USP7: variants seen among roughly 807,000 people sequenced by gnomAD.
The protein encoded by USP7 is ubiquitin C-terminal hydrolase 7.
Under a neutral mutation model 162.9 loss-of-function variants are expected in USP7, and 9 were observed. That is an observed-to-expected ratio of 0.06 (90% CI 0.03 to 0.10). USP7 has a LOEUF of 0.10. Among genes scored for constraint, USP7 ranks in the 10% least tolerant of loss-of-function variants. USP7 has a pLI of 1.00. For synonymous variants in USP7, 562 were observed against 475.9 expected, an observed-to-expected ratio of 1.18 and a Z score of -2.35; for missense variants, 715 against 1,373.7, an observed-to-expected ratio of 0.52 and a Z score of 7.58.
At chr16:8,960,047 T>C (rs1899950946) in intron 1 of USP7, among the ~76,000 whole-genome samples, 1 of 152,246 alleles carries the variant, frequency 6.6e-6, no homozygotes, top group South Asian at 2.1e-4. Flanking sequence ...TTCAATAGCG[T>C]CTACACCGAC....
chr16:8,950,276 GAGT>G (rs1899489922), intron 1 of USP7, among the ~76,000 whole-genome samples: 2 of 152,058 alleles, frequency 1.3e-5, no homozygotes, highest in South Asian at 2.1e-4. Context: ...TAGGCTTGCA[GAGT>G]AGAAGACACA....
Position 8,943,272 on chromosome 16 carries a change from G to A in USP7, c.80-12875C>T, listed in dbSNP as rs371562311. 1.4e-4 allele frequency among the ~76,000 whole-genome samples: 22 copies of A among 152,176 alleles called. No homozygotes were observed. In the East Asian group the frequency reaches 2.5e-3, roughly 17 times the overall value. On this transcript the variant is annotated intron_variant, in intron 1 of 30. Coordinates refer to ENST00000344836, the MANE Select transcript of USP7 (RefSeq NM_003470.3). ...TGATGATTGGTTTTAATGCTGTGTT[G>A]TGCACTGAGAGGGGTTTAATATACA...
intron 1 of USP7, among the ~76,000 whole-genome samples, chr16:8,937,969 A>G (rs1388275134): frequency 6.6e-6 from 1 of 152,206 alleles, no homozygotes; most frequent in African/African-American, 2.4e-5. Flanking sequence ...ATGAATCAGT[A>G]ACTCCAATGA....
At chr16:8,918,722 T>G (rs1013551640) in intron 6 of USP7, among the ~76,000 whole-genome samples, 3 of 152,106 alleles carry the variant, frequency 2.0e-5, no homozygotes, top group Admixed American at 1.3e-4. Context: ...GGCCAGAGAA[T>G]CACTTGAACC....
At chr16:8,915,128 T>C (rs1596372244) in intron 10 of USP7, 126 bp downstream of exon 10, 11 of 904,648 alleles carry the variant, frequency 1.2e-5, no homozygotes, top group South Asian at 9.0e-5. Context: ...AGTGAGCTGT[T>C]TGCTTAAGAT....
chr16:8,954,772 T>C (rs1419569217), intron 1 of USP7, among the ~76,000 whole-genome samples: 1 of 151,766 alleles, frequency 6.6e-6, no homozygotes, highest in Non-Finnish European at 1.5e-5. Flanking sequence ...ATCGAGACCA[T>C]CCATGGTAAA....
At chr16:8,945,885 C>CA (rs929688808) in intron 1 of USP7, among the ~76,000 whole-genome samples, 12 of 146,854 alleles carry the variant, frequency 8.2e-5, no homozygotes, top group South Asian at 4.4e-4. Context: ...ACCCCACTTC[C>CA]AAAAAAAAAG....
intron 1 of USP7, among the ~76,000 whole-genome samples, chr16:8,958,737 T>C (rs1289477299): frequency 6.6e-6 from 1 of 152,128 alleles, no homozygotes; most frequent in Non-Finnish European, 1.5e-5. Context: ...GCAAGAATCA[T>C]CAGAAGGCCA....
intron 11 of USP7, among the ~76,000 whole-genome samples, chr16:8,909,908 A>T (rs2061917711): frequency 6.6e-6 from 1 of 152,130 alleles, no homozygotes; most frequent in African/African-American, 2.4e-5. Context: ...CCTGGGGAAC[A>T]GACCGAGTCT....
intron 1 of USP7, among the ~76,000 whole-genome samples, chr16:8,935,430 C>G (rs536023137): frequency 6.6e-4 from 100 of 152,212 alleles, no homozygotes; most frequent in African/African-American, 2.2e-3. Context: ...AGGCTGGTCT[C>G]GAACTCCTGA....
At position 8,893,726 on chromosome 16, in the gene USP7, C is replaced by T; in HGVS notation, c.*272G>A. 1 of 392,854 alleles carries T rather than the reference C, an allele frequency of 2.5e-6. No homozygotes were observed. The highest frequency in any genetic ancestry group is 5.4e-5 in the East Asian group (1 of 18,480). 24.3% of individuals were successfully genotyped at this position (392,854 alleles called of 1,614,324 possible). On this transcript the variant is annotated 3_prime_UTR_variant, in exon 31 of 31. Transcript: ENST00000344836. The stretch of plus-strand genomic sequence containing the variant: ...GACCCCCGATCCACTAACCTCTTCT[C>T]CCCCATTGCGCTGACAGTTGCCTTG...
At chr16:8,895,825 A>T (rs958187360) in intron 26 of USP7, 84 bp from the exon 27 acceptor site, 6 of 992,148 alleles carry the variant, frequency 6.0e-6, no homozygotes, top group Non-Finnish European at 8.7e-6. Flanking sequence ...AAAGAAATAA[A>T]GTTACCACGA....
At chr16:8,945,626 G>T (rs1212459982) in intron 1 of USP7, among the ~76,000 whole-genome samples, 1 of 152,140 alleles carries the variant, frequency 6.6e-6, no homozygotes, top group Non-Finnish European at 1.5e-5. Flanking sequence ...CAGTAAAGAT[G>T]TTCTCCCCAA....
intron 1 of USP7, among the ~76,000 whole-genome samples, chr16:8,960,941 G>A (rs1341678989): frequency 6.6e-6 from 1 of 152,072 alleles, no homozygotes; most frequent in Non-Finnish European, 1.5e-5. Context: ...GGGACCTCCT[G>A]GATAATGAAA....
chr16:8,939,325 C>A (rs1299404894), intron 1 of USP7, among the ~76,000 whole-genome samples: 1 of 152,190 alleles, frequency 6.6e-6, no homozygotes, highest in Non-Finnish European at 1.5e-5. Context: ...GGGATCTTGT[C>A]ACTTCACCAA....
At position 8,931,502 on chromosome 16, in the gene USP7, T is replaced by C. The variant is rs1000979397; in HGVS notation, c.80-1105A>G. 1.5e-4 allele frequency among the ~76,000 whole-genome samples: 23 copies of C among 152,202 alleles called. 1 individual carries two copies. The highest frequency in any genetic ancestry group is 5.3e-4 in the African/African-American group (22 of 41,456). ...GTCTTAAAACATCAAATCATCACCC[T>C]CAAGGTGTCAGTGGACAATTCCTGT... On this transcript the variant is annotated intron_variant, in intron 1 of 30. Coordinates refer to ENST00000344836, the MANE Select transcript of USP7 (RefSeq NM_003470.3).
chr16:8,953,197 C>G (rs1899637895), intron 1 of USP7, among the ~76,000 whole-genome samples: 1 of 152,122 alleles, frequency 6.6e-6, no homozygotes, highest in African/African-American at 2.4e-5. Context: ...GAGGCTCCCC[C>G]TCCCCGCGGT....
chr16:8,901,618 C>T (rs76175628), intron 18 of USP7, among the ~76,000 whole-genome samples: 2,810 of 152,304 alleles, frequency 0.018, 61 homozygotes, highest in African/African-American at 0.064. Context: ...CAATAAAAGT[C>T]TGTCATTTTA....
intron 25 of USP7, among the ~76,000 whole-genome samples, 165 bp downstream of exon 25, chr16:8,898,195 T>A (rs1021665458): frequency 9.9e-5 from 15 of 152,162 alleles, no homozygotes; most frequent in African/African-American, 3.4e-4. Context: ...CAGGAGGTCC[T>A]GCCAGGAGGC....
Sources: gnomAD v4.1 joint callset for allele counts (sites outside exome capture counted in the v4.1 genomes callset) on GRCh38, gnomAD v4.1.1 for gene constraint, MANE v1.5 for transcripts, NCBI Gene and HGNC (gene_info 2026-07-23, HGNC 2026-07-21) for gene names.